NLN: variants seen among roughly 807,000 people sequenced by gnomAD.
The protein encoded by NLN is neurolysin, mitochondrial.
A neutral mutation model predicts 79.9 loss-of-function variants in NLN; 64 were observed. That is an observed-to-expected ratio of 0.80 (90% CI 0.65 to 0.99). The LOEUF (loss-of-function observed/expected upper bound fraction) is 0.99, where lower values mean the gene tolerates loss of function less well. Among genes scored for constraint, NLN ranks in the 50% least tolerant of loss-of-function variants. The pLI, the probability that NLN is intolerant of heterozygous loss-of-function variation, is 0.00. For missense variants in NLN, 835 were observed against 858.7 expected (o/e 0.97, Z 0.34); for synonymous variants, 267 against 296.6 (o/e 0.90, Z 1.02).
chr5:65,777,946 C>T (rs753176994), intron 4 of NLN, among the ~76,000 whole-genome samples: 1 of 152,212 alleles, frequency 6.6e-6, no homozygotes, highest in Non-Finnish European at 1.5e-5. Flanking sequence ...CAACTGATAA[C>T]TTAAAATTGT....
chr5:65,737,213 C>A (rs1057191615), intron 1 of NLN, among the ~76,000 whole-genome samples: 1 of 152,160 alleles, frequency 6.6e-6, no homozygotes, highest in African/African-American at 2.4e-5. Context: ...GTGGATAAGA[C>A]AGAAACTGCT....
intron 6 of NLN, among the ~76,000 whole-genome samples, chr5:65,783,438 T>A (rs1056565142): frequency 3.3e-5 from 5 of 152,150 alleles, no homozygotes; most frequent in African/African-American, 1.2e-4. Context: ...CAAAGATCTA[T>A]CAGACATGAC....
intron 8 of NLN, among the ~76,000 whole-genome samples, 195 bp downstream of exon 8, chr5:65,788,679 T>A (rs1488643380): frequency 6.6e-6 from 1 of 151,700 alleles, no homozygotes; most frequent in Non-Finnish European, 1.5e-5. Context: ...CTACAAAAAA[T>A]TTAAAAATTA....
At chr5:65,747,289 A>C (rs1759002670) in intron 1 of NLN, among the ~76,000 whole-genome samples, 1 of 152,180 alleles carries the variant, frequency 6.6e-6, no homozygotes, top group African/African-American at 2.4e-5. Flanking sequence ...CACAGTTTGA[A>C]GTAATAGGTC....
intron 3 of NLN, among the ~76,000 whole-genome samples, chr5:65,775,585 G>A (rs925438425): frequency 4.6e-5 from 7 of 152,178 alleles, no homozygotes; most frequent in African/African-American, 1.7e-4. Flanking sequence ...AGAGACTCCT[G>A]TTGCTGTGCT....
chr5:65,809,045 T>C (rs1760484285), intron 9 of NLN: 2 of 153,656 alleles, frequency 1.3e-5, no homozygotes, highest in Non-Finnish European at 2.9e-5. Flanking sequence ...CAGAAAGGCA[T>C]GGATTGAGAC....
At chr5:65,730,743 A>G (rs1294659227) in intron 1 of NLN, among the ~76,000 whole-genome samples, 2 of 151,812 alleles carry the variant, frequency 1.3e-5, no homozygotes, top group Non-Finnish European at 2.9e-5. Flanking sequence ...TTTTTGTAGA[A>G]ACAGGGGTTC....
At chr5:65,785,480 C>T (rs1029045567) in intron 6 of NLN, among the ~76,000 whole-genome samples, 3 of 151,996 alleles carry the variant, frequency 2.0e-5, no homozygotes, top group Non-Finnish European at 2.9e-5. Context: ...AATATGGATT[C>T]GCTATATTCC....
intron 3 of NLN, among the ~76,000 whole-genome samples, chr5:65,769,087 G>A (rs551666974): frequency 3.9e-5 from 6 of 152,282 alleles, no homozygotes; most frequent in South Asian, 4.1e-4. Flanking sequence ...TGAGTGTTCC[G>A]GCAAGGCACA....
chr5:65,727,144 A>G (rs1172853916), intron 1 of NLN, among the ~76,000 whole-genome samples: 1 of 151,954 alleles, frequency 6.6e-6, no homozygotes, highest in African/African-American at 2.4e-5. Flanking sequence ...ACTCCCTTGG[A>G]CCTCTTTCAA....
intron 9 of NLN, among the ~76,000 whole-genome samples, chr5:65,798,185 C>T (rs1233402009): frequency 6.6e-6 from 1 of 152,208 alleles, no homozygotes; most frequent in Non-Finnish European, 1.5e-5. Context: ...AATATACACA[C>T]TGCTTTACAT....
intron 11 of NLN, among the ~76,000 whole-genome samples, chr5:65,811,515 T>C (rs11749289): frequency 0.26 from 39,989 of 151,782 alleles, 5,601 homozygotes; most frequent in African/African-American, 0.35. Flanking sequence ...GTAGATTGAA[T>C]TGGTGAAAAG....
intron 12 of NLN, among the ~76,000 whole-genome samples, chr5:65,813,207 A>G (rs987120923): frequency 2.6e-5 from 4 of 152,032 alleles, no homozygotes; most frequent in Non-Finnish European, 5.9e-5. Flanking sequence ...TTCCCTCCCC[A>G]TCTTCCTCCT....
intron 9 of NLN, among the ~76,000 whole-genome samples, chr5:65,797,055 G>A (rs982474457): frequency 2.6e-5 from 4 of 152,294 alleles, no homozygotes; most frequent in Admixed American, 6.5e-5. Context: ...AGTTTCACTC[G>A]TATTACGTTT....
chr5:65,811,260 T>C (rs1760538854), intron 11 of NLN, among the ~76,000 whole-genome samples: 1 of 152,236 alleles, frequency 6.6e-6, no homozygotes, highest in Non-Finnish European at 1.5e-5. Context: ...TGAGTCATTC[T>C]AGGCTCCCCA....
intron 12 of NLN, among the ~76,000 whole-genome samples, chr5:65,812,860 G>A (rs910873022): frequency 6.6e-6 from 1 of 152,118 alleles, no homozygotes; most frequent in African/African-American, 2.4e-5. Context: ...TACATAGTTT[G>A]TGACCTTTGT....
rs144812003 is a variant in NLN at position 65,788,290 on chromosome 5, A to G, written c.1131A>G (p.Gln377=). ...AGGAACTCAAGTATTCCATAGACCA[A>G]GAGTTCCTCAAGGAATACTTCCCAA... The part of the protein sequence containing the change: ...QTEELKYSID[Q]EFLKEYFPIE... Residue 377 remains glutamine (Q), a synonymous_variant, in exon 8 of 13, where the codon CAA becomes CAG. Transcript: ENST00000380985. 6.2e-7 allele frequency: 1 copy of G among 1,613,906 alleles called. No homozygotes were observed. Among genetic ancestry groups the G allele is most frequent in the Non-Finnish European group, 8.5e-7 (1 of 1,179,746 alleles).
chr5:65,791,408 A>C (rs1760054830), intron 8 of NLN, among the ~76,000 whole-genome samples: 2 of 152,118 alleles, frequency 1.3e-5, no homozygotes, highest in Admixed American at 6.5e-5. Context: ...AAATACAAAA[A>C]TTAGCTGGGT....
At chr5:65,734,510 A>G (rs1758683487) in intron 1 of NLN, among the ~76,000 whole-genome samples, 1 of 88,200 alleles carries the variant, frequency 1.1e-5, no homozygotes, top group Admixed American at 9.8e-5. Flanking sequence ...ATGGTTATTT[A>G]AAAATGTCAA....
Sources: allele counts gnomAD v4.1 joint callset (sites outside exome capture counted in the v4.1 genomes callset), GRCh38; gene constraint gnomAD v4.1.1; transcripts MANE v1.5; gene names NCBI Gene and HGNC (gene_info 2026-07-23, HGNC 2026-07-21).